The following ATOX1 variants were observed in gnomAD, a reference collection of about 807,000 sequenced individuals.
ATOX1 encodes the protein antioxidant 1 copper chaperone.
A neutral mutation model predicts 7.3 loss-of-function variants in ATOX1; 4 were observed. That is an observed-to-expected ratio of 0.55 (90% CI 0.27 to 1.25). ATOX1 has a LOEUF of 1.25. Among genes scored for constraint, ATOX1 ranks in the 50% most tolerant of loss-of-function variants. The pLI, the probability that ATOX1 is intolerant of heterozygous loss-of-function variation, is 0.12. For synonymous variants in ATOX1, 25 were observed against 28.7 expected, an observed-to-expected ratio of 0.87 and a Z score of 0.41; for missense variants, 68 against 81.6, an observed-to-expected ratio of 0.83 and a Z score of 0.64.
intron 1 of ATOX1, among the ~76,000 whole-genome samples, chr5:151,756,133 G>T (rs148159036): frequency 6.6e-6 from 1 of 151,696 alleles, no homozygotes; most frequent in Non-Finnish European, 1.5e-5. Context: ...TAGTAGAGAC[G>T]GGGTTTCACC....
chr5:151,753,132 T>C (rs1344458374), intron 1 of ATOX1, among the ~76,000 whole-genome samples: 3 of 152,182 alleles, frequency 2.0e-5, no homozygotes, highest in Non-Finnish European at 2.9e-5. Context: ...AAGTGAGAGA[T>C]TGAACCCTCG....
At chr5:151,746,593 C>G (rs753778347) in intron 2 of ATOX1, 144 bp from the exon 3 acceptor site, 4 of 1,073,372 alleles carry the variant, frequency 3.7e-6, no homozygotes, top group Non-Finnish European at 5.4e-6. Flanking sequence ...TCTTCTGTAA[C>G]AGGCCAGAAA....
At chr5:151,749,663 AAAAAAAAAAAAAAGAAAAAG>A (rs1365089158) in intron 2 of ATOX1, among the ~76,000 whole-genome samples, 4 of 147,108 alleles carry the variant, frequency 2.7e-5, no homozygotes, top group African/African-American at 9.9e-5. Context: ...TCCATCTCCA[AAAAAAAAAAAAAAGAAAAAG>A]AAAAAAAAAA....
rs1271889730 is a variant in ATOX1, at chr5:151,749,487, G to GA, written c.82+2216dup. On this transcript the variant is annotated intron_variant, in intron 2 of 3. Transcript: ENST00000313115. ...GCAACAAGAGCGAAATTCTGCCTCA[G>GA]AAAAAAAAAAAAAATTAGCCAGGCG... Among the ~76,000 whole-genome samples the GA allele has an allele frequency of 8.5e-3, 1,046 of 123,722 alleles. 8 individuals carry two copies. Among genetic ancestry groups the GA allele is most frequent in the African/African-American group, 0.024 (820 of 33,600 alleles). 81.2% of individuals were successfully genotyped at this position (123,722 alleles called of 152,430 possible).
At chr5:151,751,831 C>T in intron 1 of ATOX1, 52 bp from the exon 2 acceptor site, 1 of 1,549,894 alleles carries the variant, frequency 6.5e-7, no homozygotes, top group South Asian at 1.2e-5. Context: ...GTGACCCCCA[C>T]ACAGTGCCAG....
chr5:151,744,598 C>T (rs1235698645), intron 3 of ATOX1: 2 of 152,280 alleles, frequency 1.3e-5, no homozygotes, highest in South Asian at 4.1e-4. Flanking sequence ...TGCATTAGGG[C>T]TCCCCATGTA....
chr5:151,749,962 A>T (rs566586555), intron 2 of ATOX1, among the ~76,000 whole-genome samples: 32 of 152,404 alleles, frequency 2.1e-4, no homozygotes, highest in African/African-American at 6.5e-4. Flanking sequence ...AGTACAGCTC[A>T]GAGGACTGCT....
intron 1 of ATOX1, 28 bp from the exon 2 acceptor site, chr5:151,751,807 C>T (rs368016346): frequency 1.3e-6 from 2 of 1,584,282 alleles, no homozygotes; most frequent in Admixed American, 1.8e-5. Flanking sequence ...GGACCATGAC[C>T]CGAGCCCTGT....
At position 151,746,308 on chromosome 5, in the gene ATOX1, T is replaced by C. The variant is rs1332743152; in HGVS notation, c.*17A>G. The C allele has an allele frequency of 1.2e-6, 2 of 1,612,194 alleles. No homozygotes were observed. The highest frequency in any genetic ancestry group is 1.3e-5 in the African/African-American group (1 of 74,870). On this transcript the variant is annotated 3_prime_UTR_variant, in exon 3 of 4. Transcript: ENST00000313115. The stretch of plus-strand genomic sequence containing the variant: ...CCCCTTTGGTCCATCCTGTGGGCTG[T>C]GGGGACCAGGCCCCTGCTACTCAAG...
intron 2 of ATOX1, among the ~76,000 whole-genome samples, chr5:151,750,933 G>A (rs1370371272): frequency 6.6e-6 from 1 of 151,904 alleles, no homozygotes; most frequent in African/African-American, 2.4e-5. Flanking sequence ...GATCACAGGT[G>A]TGAGCCACCG....
intron 2 of ATOX1, among the ~76,000 whole-genome samples, chr5:151,751,055 G>C (rs917360750): frequency 1.3e-5 from 2 of 151,818 alleles, no homozygotes; most frequent in African/African-American, 4.8e-5. Context: ...TCAGGGGTTC[G>C]AGACCAGCCT....
chr5:151,752,741 C>G (rs1354096169), intron 1 of ATOX1, among the ~76,000 whole-genome samples: 1 of 152,168 alleles, frequency 6.6e-6, no homozygotes, highest in Non-Finnish European at 1.5e-5. Flanking sequence ...TCTGGCACTA[C>G]TAGTTGCATG....
intron 3 of ATOX1, chr5:151,745,907 T>C (rs923611002): frequency 5.9e-6 from 1 of 168,680 alleles, no homozygotes; most frequent in Non-Finnish European, 1.3e-5. Flanking sequence ...CCCTCCAGCC[T>C]GGGCCATATA....
chr5:151,751,801 C>G (rs922901705), intron 1 of ATOX1, 22 bp from the exon 2 acceptor site: 1 of 1,590,636 alleles, frequency 6.3e-7, no homozygotes, highest in East Asian at 2.3e-5. Flanking sequence ...ACAGGGGGAC[C>G]ATGACCCGAG....
chr5:151,747,589 C>CT (rs768787270), intron 2 of ATOX1, among the ~76,000 whole-genome samples: 2,806 of 124,960 alleles, frequency 0.022, 69 homozygotes, highest in African/African-American at 0.066. Flanking sequence ...CCGGTCCATT[C>CT]TTTTTTTTTT....
intron 3 of ATOX1, chr5:151,744,668 G>T (rs925317956): frequency 6.6e-6 from 1 of 152,100 alleles, no homozygotes; most frequent in African/African-American, 2.4e-5. Flanking sequence ...TCTTGTTACA[G>T]AGCGTTTTTA....
chr5:151,748,754 G>C (rs547317210), intron 2 of ATOX1, among the ~76,000 whole-genome samples: 3 of 152,016 alleles, frequency 2.0e-5, no homozygotes, highest in Non-Finnish European at 2.9e-5. Flanking sequence ...CCAGCTTCTC[G>C]GGAGGCTGGG....
At chr5:151,749,661 C>CAAAAAA (rs781536166) in intron 2 of ATOX1, among the ~76,000 whole-genome samples, 3 of 54,452 alleles carry the variant, frequency 5.5e-5, no homozygotes, top group Non-Finnish European at 7.7e-5. Context: ...ACTCCATCTC[C>CAAAAAA]AAAAAAAAAA....
At chr5:151,747,069 C>CTT (rs202117404) in intron 2 of ATOX1, among the ~76,000 whole-genome samples, 3 of 136,690 alleles carry the variant, frequency 2.2e-5, no homozygotes, top group Non-Finnish European at 3.2e-5. Flanking sequence ...AATATAGACA[C>CTT]TTTTTTTTTT....
Sources: gnomAD v4.1 joint callset for allele counts (sites outside exome capture counted in the v4.1 genomes callset) on GRCh38, gnomAD v4.1.1 for gene constraint, MANE v1.5 for transcripts, NCBI Gene and HGNC (gene_info 2026-07-23, HGNC 2026-07-21) for gene names.